Variants in GSN observed in about 807,000 individuals in gnomAD.
The protein encoded by GSN is gelsolin.
GSN carries 56 observed loss-of-function variants against 85.7 expected under a neutral mutation model. That is an observed-to-expected ratio of 0.65 (90% CI 0.53 to 0.82). The LOEUF (loss-of-function observed/expected upper bound fraction) is 0.82. Ranked by LOEUF, GSN falls within the 40% of genes least tolerant of loss-of-function variation. The pLI is 0.00. For missense variants in GSN, 857 were observed against 979.8 expected, an observed-to-expected ratio of 0.87 and a Z score of 1.67; for synonymous variants, 373 against 399.1, an observed-to-expected ratio of 0.93 and a Z score of 0.78.
chr9:121,311,756 T>G (rs1417031044), intron 5 of GSN: 2 of 152,702 alleles, frequency 1.3e-5, no homozygotes, highest in Admixed American at 6.5e-5. Context: ...CTGAGATGCA[T>G]CCGTATTGTT....
intron 4 of GSN, chr9:121,309,075 G>A (rs979807419): frequency 6.6e-6 from 1 of 152,186 alleles, no homozygotes; most frequent in Non-Finnish European, 1.5e-5. Context: ...ACGAGCACCC[G>A]ATTGGGAGGA....
Position 121,318,927 on chromosome 9 carries a change from T to C in GSN, c.1191+47T>C. On this transcript the variant is annotated intron_variant, in intron 10 of 17. Coordinates refer to ENST00000432226, the MANE Select transcript of GSN (RefSeq NM_198252.3). This position sits in a 1 kb window ranked among gnomAD's most constrained non-coding sequence, Gnocchi z 4.3. ...GGTGTGTCCAGGCCCCTCCCTCACT[T>C]TCCCCATGCACTGCCTCTTGCTTCC... 7.0e-7 allele frequency: 1 copy of C among 1,428,848 alleles called. No homozygotes were observed. The highest frequency in any genetic ancestry group is 9.9e-7 in the Non-Finnish European group (1 of 1,012,670). 88.5% of individuals were successfully genotyped at this position (1,428,848 alleles called of 1,614,324 possible).
chr9:121,331,592 C>T (rs2063911856), intron 17 of GSN, 144 bp downstream of exon 17: 1 of 631,866 alleles, frequency 1.6e-6, no homozygotes. Context: ...CTCTGTGGGC[C>T]AGCCCCTCAT....
rs1462706910 is a variant in GSN, at chr9:121,299,447, G to C, written c.-9-2516G>C. 2 of 984,984 alleles carry C rather than the reference G, an allele frequency of 2.0e-6. No homozygotes were observed. Among genetic ancestry groups the C allele is most frequent in the African/African-American group, 3.5e-5 (2 of 57,244 alleles). The allele number at this position is 984,984 out of a possible 1,614,324, so 61.0% of individuals were successfully genotyped here. A position where few individuals can be genotyped will look rare whatever the true frequency, so the allele number is the denominator to read the frequency against. ...ATGGGTTGGCCGTTGTACCCTCTCT[G>C]AAAAGGATGTGCTGATGCCTCGGTG... On this transcript the variant is annotated intron_variant, in intron 2 of 17. Transcript: ENST00000432226. This position sits in a 1 kb window ranked among gnomAD's most constrained non-coding sequence, Gnocchi z 4.2.
At position 121,299,091 on chromosome 9, in the gene GSN, G is replaced by A. The variant is rs1227462789; in HGVS notation, c.-9-2872G>A. Among the ~76,000 whole-genome samples the A allele has an allele frequency of 6.6e-6, 1 of 152,168 alleles. No individual in the cohort carries two copies. Among genetic ancestry groups the A allele is most frequent in the Admixed American group, 6.5e-5 (1 of 15,280 alleles). ...ATAGCAGTGGTTGCCCCTGGGGAGA[G>A]GTAAATGTGATGGAGAGGGAACAAC... On this transcript the variant is annotated intron_variant, in intron 2 of 17. Coordinates refer to ENST00000432226, the MANE Select transcript of GSN (RefSeq NM_198252.3). This position sits in a 1 kb window ranked among gnomAD's most constrained non-coding sequence, Gnocchi z 4.2.
chr9:121,320,862 C>A (rs1253155132), intron 10 of GSN, among the ~76,000 whole-genome samples: 2 of 152,134 alleles, frequency 1.3e-5, no homozygotes, highest in African/African-American at 4.8e-5. Flanking sequence ...TATGATTATC[C>A]CCATTTTTCA....
intron 11 of GSN, among the ~76,000 whole-genome samples, chr9:121,323,595 CCT>C (rs1248750914): frequency 3.3e-5 from 5 of 152,020 alleles, no homozygotes; most frequent in Non-Finnish European, 7.4e-5. Flanking sequence ...GTTTCGAACT[CCT>C]GACCTCAACT....
intron 4 of GSN, chr9:121,308,567 C>T (rs1343567126): frequency 6.6e-6 from 1 of 152,220 alleles, no homozygotes; most frequent in Admixed American, 6.5e-5. Flanking sequence ...GTAATCACAG[C>T]TACTTGGGAG....
intron 4 of GSN, among the ~76,000 whole-genome samples, chr9:121,217,797 T>TTTATTA (rs1564336092): frequency 1.7e-5 from 2 of 119,106 alleles, no homozygotes; most frequent in Non-Finnish European, 3.5e-5. Flanking sequence ...AATATAGAAA[T>TTTATTA]GTATTATTAT....
exon 6 of GSN, chr9:121,248,295 C>T (rs545942679): frequency 3.3e-5 from 5 of 152,288 alleles, no homozygotes; most frequent in Non-Finnish European, 7.3e-5. Flanking sequence ...ATTCTCCTGC[C>T]TCAGCCTCCT....
In GSN at chr9:121,299,336, A is replaced by G. The variant is rs2059529863; in HGVS notation, c.-9-2627A>G. 1.0e-6 allele frequency: 1 copy of G among 982,800 alleles called. No individual in the cohort carries two copies. Among genetic ancestry groups the G allele is most frequent in the Middle Eastern group, 5.2e-4 (1 of 1,932 alleles). The allele number at this position is 982,800 out of a possible 1,614,324, so 60.9% of individuals were successfully genotyped here. A position where few individuals can be genotyped will look rare whatever the true frequency, so the allele number is the denominator to read the frequency against. On this transcript the variant is annotated intron_variant, in intron 2 of 17. Coordinates refer to ENST00000432226, the MANE Select transcript of GSN (RefSeq NM_198252.3). The surrounding 1 kb of genome is among the most constrained non-coding windows in gnomAD (Gnocchi z 4.2). Reference sequence around the variant, plus strand: ...GGTGGGGGTTCTGCCCAGGCCCACTACGGCCTGAGTTCAAATCCCGGCAGC... The same window carrying G: ...GGTGGGGGTTCTGCCCAGGCCCACTGCGGCCTGAGTTCAAATCCCGGCAGC...
rs138153246 is a variant in GSN, at chr9:121,302,986, G to A, written c.272G>A (p.Arg91Gln). The A allele has an allele frequency of 2.0e-5, 32 of 1,613,752 alleles. No homozygotes were observed. Among genetic ancestry groups the A allele is most frequent in the African/African-American group, 6.7e-5 (5 of 74,908 alleles). Reference sequence around the variant, plus strand: ...CAGCTGGATGACTACCTGAACGGCCGGGCCGTGCAGCACCGTGAGGTCCAG... The same window carrying A: ...CAGCTGGATGACTACCTGAACGGCCAGGCCGTGCAGCACCGTGAGGTCCAG... ...TVQLDDYLNG[R>Q]AVQHREVQGF... The change falls in exon 4 of 18, where the codon CGG (arginine) becomes CAG (glutamine). Residue 91 changes from arginine (R) to glutamine (Q), a missense_variant. Coordinates refer to ENST00000432226, the MANE Select transcript of GSN (RefSeq NM_198252.3).
At chr9:121,279,123 G>T (rs1195490217) in intron 1 of GSN, among the ~76,000 whole-genome samples, 1 of 151,910 alleles carries the variant, frequency 6.6e-6, no homozygotes, top group Admixed American at 6.6e-5. Flanking sequence ...CAGATTAGGG[G>T]GTGTGGAGGT....
intron 6 of GSN, among the ~76,000 whole-genome samples, chr9:121,262,557 T>C (rs2055109793): frequency 6.6e-6 from 1 of 152,228 alleles, no homozygotes; most frequent in Non-Finnish European, 1.5e-5. Flanking sequence ...GCAGTTTTGC[T>C]CTTTCCTGAA....
chr9:121,319,411 C>T (rs2062119525), intron 10 of GSN, among the ~76,000 whole-genome samples: 1 of 152,052 alleles, frequency 6.6e-6, no homozygotes, highest in South Asian at 2.1e-4. Flanking sequence ...ACTTGATCCT[C>T]TAACCAGTGG....
In GSN at chr9:121,329,274, C is replaced by G; in HGVS notation, c.1924C>G (p.Leu642Val). ...TCCTGGTGAGCTCATGCAGGAAGAC[C>G]TGGCAACGGATGACGTCATGCTTCT... is the stretch of plus-strand genomic sequence containing the variant. ...EVPGELMQED[L>V]ATDDVMLLDT... is the part of the protein sequence containing the mutation. Residue 642 changes from leucine to valine, a missense_variant, in exon 16 of 18, where the codon CTG (leucine) becomes GTG (valine). By Grantham distance (32) the Leu-to-Val change is conservative. Coordinates refer to ENST00000432226, the MANE Select transcript of GSN (RefSeq NM_198252.3). The surrounding 1 kb of genome is among the most constrained non-coding windows in gnomAD (Gnocchi z 4.6). The G allele has an allele frequency of 6.2e-7, 1 of 1,612,576 alleles. No individual in the cohort carries two copies. Among genetic ancestry groups the G allele is most frequent in the Non-Finnish European group, 8.5e-7 (1 of 1,178,606 alleles).
intron 1 of GSN, among the ~76,000 whole-genome samples, chr9:121,275,509 G>A (rs2056558932): frequency 6.6e-6 from 1 of 152,204 alleles, no homozygotes; most frequent in Non-Finnish European, 1.5e-5. Context: ...GTTTCTTGGT[G>A]TCCTGAGCTT....
chr9:121,281,380 G>A (rs1160199699), intron 1 of GSN, 90 bp from the exon 2 acceptor site: 5 of 354,214 alleles, frequency 1.4e-5, no homozygotes, highest in Non-Finnish European at 2.8e-5. Flanking sequence ...CTGGTGGAGG[G>A]GAGGAAAGGG....
chr9:121,239,981 C>A, intron 5 of GSN: 1 of 160,302 alleles, frequency 6.2e-6, no homozygotes. Context: ...GTAGTTCCAA[C>A]TAACTGCCAG....
Sources: allele counts gnomAD v4.1 joint callset (sites outside exome capture counted in the v4.1 genomes callset), GRCh38; gene constraint gnomAD v4.1.1; non-coding constraint Gnocchi (gnomAD v3.1); transcripts MANE v1.5; gene names NCBI Gene and HGNC (gene_info 2026-07-23, HGNC 2026-07-21).